Variants in RIN2 observed in about 807,000 individuals in gnomAD.
RIN2 encodes the protein Ras and Rab interactor 2, also known as RAB5 interacting protein 2.
In RIN2, 36 loss-of-function variants were observed where a neutral mutation model predicts 78.0. The observed-to-expected ratio is 0.46, with a 90% CI of 0.35 to 0.61. RIN2 has a LOEUF of 0.61. Among genes scored for constraint, RIN2 ranks in the 20% least tolerant of loss-of-function variants. The pLI, the probability that RIN2 is intolerant of heterozygous loss-of-function variation, is 0.00. For missense variants in RIN2, 1,087 were observed against 1,159.7 expected (o/e 0.94, Z 0.91); for synonymous variants, 466 against 466.8 (o/e 1.00, Z 0.02).
chr20:19,887,914 G>GA (rs1289741264), intron 2 of RIN2, among the ~76,000 whole-genome samples: 8 of 152,284 alleles, frequency 5.3e-5, no homozygotes, highest in Admixed American at 4.6e-4. Context: ...GTCTAAACAG[G>GA]TCATGGTTTG....
chr20:19,988,386 C>G (rs1026190409), intron 9 of RIN2, among the ~76,000 whole-genome samples: 2 of 152,220 alleles, frequency 1.3e-5, no homozygotes, highest in Non-Finnish European at 2.9e-5. Flanking sequence ...TCCCAAAGTG[C>G]TGGGATTACA....
Position 19,990,104 on chromosome 20 carries a change from T to C in RIN2, c.1861T>C (p.Trp621Arg). Residue 621 changes from tryptophan to arginine, a missense_variant, in exon 10 of 13, where the codon TGG becomes CGG. Coordinates refer to ENST00000255006, the MANE Select transcript of RIN2 (RefSeq NM_018993.4). ...LKDFHMADGSWKQLKENLQLV... is the reference protein window; with the variant it reads ...LKDFHMADGSRKQLKENLQLV... Reference sequence around the variant, plus strand: ...GGACTTTCACATGGCCGATGGCTCATGGAAGCAACTCAAGGAGAACCTGCA... The same window carrying C: ...GGACTTTCACATGGCCGATGGCTCACGGAAGCAACTCAAGGAGAACCTGCA... 4 of 1,600,992 alleles carry C rather than the reference T, an allele frequency of 2.5e-6. No individual in the cohort carries two copies. Among genetic ancestry groups the C allele is most frequent in the Non-Finnish European group, 2.6e-6 (3 of 1,173,802 alleles).
chr20:19,956,803 C>CGGG lies in RIN2; in HGVS notation c.350_351+1dup. ...GCAGAGGTCCTGCAGGCCCAGCCTC[C>CGGG]GGGGGTAAGACTCAGAACCTCGGGA... On this transcript the variant is annotated inframe_insertion, in exon 5 of 13. Coordinates refer to ENST00000255006, the MANE Select transcript of RIN2 (RefSeq NM_018993.4). 6.4e-7 allele frequency: 1 copy of CGGG among 1,574,730 alleles called. No individual in the cohort carries two copies. Among genetic ancestry groups the CGGG allele is most frequent in the Non-Finnish European group, 8.6e-7 (1 of 1,157,708 alleles).
At chr20:19,810,353 A>G (rs1019740568) in intron 2 of RIN2, among the ~76,000 whole-genome samples, 1 of 151,800 alleles carries the variant, frequency 6.6e-6, no homozygotes, top group Admixed American at 6.6e-5. Flanking sequence ...GGTTGCAGTG[A>G]GCTGAGATTG....
Position 19,992,160 on chromosome 20 carries a change from G to A in RIN2, c.2069-8G>A, listed in dbSNP as rs78124032. On this transcript the variant is annotated splice_region_variant and splice_polypyrimidine_tract_variant and intron_variant, in intron 10 of 12. Coordinates refer to ENST00000255006, the MANE Select transcript of RIN2 (RefSeq NM_018993.4). ...AAATATTCCATCTCCTTCTCTTCCT[G>A]CTCTCAGGGAGGATGTATGGCGCTG... 937 of 1,610,840 alleles carry A rather than the reference G, an allele frequency of 5.8e-4. 6 individuals carry two copies. In the African/African-American group the frequency reaches 0.011, roughly 19 times the overall value.
At chr20:19,991,917 A>C (rs982536169) in intron 10 of RIN2, among the ~76,000 whole-genome samples, 1 of 152,220 alleles carries the variant, frequency 6.6e-6, no homozygotes, top group African/African-American at 2.4e-5. Context: ...AAATTATAAA[A>C]GTAGGGAGAA....
At chr20:19,839,241 T>A (rs2036511342) in intron 2 of RIN2, among the ~76,000 whole-genome samples, 1 of 152,172 alleles carries the variant, frequency 6.6e-6, no homozygotes, top group African/African-American at 2.4e-5. Flanking sequence ...TGGTACGCAA[T>A]TGCATAAATA....
At chr20:19,980,715 C>T (rs1031503805) in intron 9 of RIN2, among the ~76,000 whole-genome samples, 9 of 152,198 alleles carry the variant, frequency 5.9e-5, no homozygotes, top group Admixed American at 5.9e-4. Context: ...TGTTTTTCCA[C>T]CCCTCCACTC....
At chr20:19,788,432 C>CAAAAAAAAAAAAAAACAAAAA (rs2034760178) in intron 1 of RIN2, among the ~76,000 whole-genome samples, 3 of 53,744 alleles carry the variant, frequency 5.6e-5, no homozygotes, top group African/African-American at 3.3e-4. Flanking sequence ...CTGTCTCTGC[C>CAAAAAAAAAAAAAAACAAAAA]AAAAAAAAAA....
intron 2 of RIN2, among the ~76,000 whole-genome samples, chr20:19,824,258 C>A (rs2036018481): frequency 6.6e-6 from 1 of 152,122 alleles, no homozygotes; most frequent in African/African-American, 2.4e-5. Flanking sequence ...GCGGGAGGCC[C>A]CTGTGCCCTT....
intron 1 of RIN2, among the ~76,000 whole-genome samples, chr20:19,759,552 C>T (rs1193934099): frequency 6.6e-6 from 1 of 152,184 alleles, no homozygotes; most frequent in Non-Finnish European, 1.5e-5. Flanking sequence ...ATTTTAAATA[C>T]AGGTGGGTGT....
intron 1 of RIN2, among the ~76,000 whole-genome samples, chr20:19,776,430 A>G (rs2034312775): frequency 6.6e-6 from 1 of 152,170 alleles, no homozygotes; most frequent in Admixed American, 6.5e-5. Flanking sequence ...CCAATTGCCA[A>G]TCAGAAAATC....
At chr20:19,915,516 G>A (rs1307659738) in intron 3 of RIN2, among the ~76,000 whole-genome samples, 1 of 152,172 alleles carries the variant, frequency 6.6e-6, no homozygotes, top group South Asian at 2.1e-4. Context: ...TCCAAGGGTT[G>A]TGGGCAGAGC....
chr20:19,823,756 G>C, intron 2 of RIN2: 3 of 1,594,444 alleles, frequency 1.9e-6, no homozygotes, highest in Admixed American at 1.7e-5. Flanking sequence ...GTTCTGAATG[G>C]TTAGTTTCAC....
chr20:19,936,891 G>C (rs1472866066), intron 4 of RIN2, among the ~76,000 whole-genome samples: 3 of 152,188 alleles, frequency 2.0e-5, no homozygotes, highest in Non-Finnish European at 2.9e-5. Flanking sequence ...AAAAGAAAGA[G>C]GAAAAAGCAA....
intron 2 of RIN2, among the ~76,000 whole-genome samples, chr20:19,838,378 A>G (rs573796539): frequency 6.6e-6 from 1 of 152,358 alleles, no homozygotes; most frequent in African/African-American, 2.4e-5. Context: ...AGTATGATCT[A>G]CGTACTATAA....
At chr20:19,962,859 A>C (rs2041810172) in intron 6 of RIN2, among the ~76,000 whole-genome samples, 1 of 152,168 alleles carries the variant, frequency 6.6e-6, no homozygotes, top group African/African-American at 2.4e-5. Context: ...CAGGAGGTTG[A>C]GGCAGGAGAA....
At chr20:19,800,382 A>G (rs1231128080) in intron 2 of RIN2, among the ~76,000 whole-genome samples, 1 of 152,222 alleles carries the variant, frequency 6.6e-6, no homozygotes, top group South Asian at 2.1e-4. Context: ...TCCTCCATCA[A>G]GTGGAGAGGT....
intron 2 of RIN2, among the ~76,000 whole-genome samples, chr20:19,848,463 G>C (rs1159999456): frequency 6.7e-6 from 1 of 150,138 alleles, no homozygotes; most frequent in Non-Finnish European, 1.5e-5. Context: ...TTGAACCAGG[G>C]AGTCGGAGGT....
Sources: allele counts gnomAD v4.1 joint callset (sites outside exome capture counted in the v4.1 genomes callset), GRCh38; gene constraint gnomAD v4.1.1; transcripts MANE v1.5; gene names NCBI Gene and HGNC (gene_info 2026-07-23, HGNC 2026-07-21).